The following FBXL17 variants were observed in gnomAD, a reference collection of about 807,000 sequenced individuals.
FBXL17 encodes F-box and leucine rich repeat protein 17, also known as F-box/LRR-repeat protein 17.
Under a neutral mutation model 66.2 loss-of-function variants are expected in FBXL17, and 22 were observed. That is an observed-to-expected ratio of 0.33 (90% CI 0.24 to 0.47). The LOEUF is 0.47. FBXL17 is among the 20% of genes least tolerant of loss of function. The probability of loss-of-function intolerance (pLI) is 1.00; values close to 1 mark genes in which losing one functional copy is unlikely to be tolerated. For synonymous variants in FBXL17, 474 were observed against 400.5 expected (o/e 1.18, Z -2.19); for missense variants, 878 against 948.2 (o/e 0.93, Z 0.97).
At chr5:108,225,117 C>A (rs1046087284) in intron 4 of FBXL17, among the ~76,000 whole-genome samples, 6 of 152,116 alleles carry the variant, frequency 3.9e-5, no homozygotes, top group Admixed American at 2.0e-4. Context: ...CCAAGCCTGG[C>A]AATCTACATT....
At chr5:108,246,341 A>C (rs945019252) in intron 4 of FBXL17, among the ~76,000 whole-genome samples, 1 of 152,146 alleles carries the variant, frequency 6.6e-6, no homozygotes, top group African/African-American at 2.4e-5. Context: ...TCTCAAAAGT[A>C]AATAAGTAAA....
At position 108,055,799 on chromosome 5, in the gene FBXL17, C is replaced by G. The variant is rs1272246562; in HGVS notation, c.1746-34798G>C. 2.6e-5 allele frequency among the ~76,000 whole-genome samples: 4 copies of G among 151,538 alleles called. No individual in the cohort carries two copies. The East Asian group carries it at 7.7e-4, about 29-fold the overall frequency. On this transcript the variant is annotated intron_variant, in intron 6 of 8. Transcript: ENST00000542267. ...GGAGAAATAAATCTTTAAAAAGTTC[C>G]TCCCTTGTTATAAGATTTTCAAGTG... is the stretch of plus-strand genomic sequence containing the variant.
chr5:108,357,536 T>C (rs540653324), intron 3 of FBXL17, among the ~76,000 whole-genome samples: 13 of 152,010 alleles, frequency 8.6e-5, no homozygotes, highest in Non-Finnish European at 1.5e-4. Context: ...TACACATTCT[T>C]CTCTAACGCA....
In FBXL17 at chr5:108,001,059, C is replaced by T. The variant is rs556712094; in HGVS notation, c.1822+19866G>A. ...ATTAAAATGATCTGCAAATATAAAA[C>T]TGTAAAGCAACTAATAATACTAAAA... On this transcript the variant is annotated intron_variant, in intron 7 of 8. Transcript: ENST00000542267. 1.1e-4 allele frequency among the ~76,000 whole-genome samples: 17 copies of T among 152,220 alleles called. 1 individual carries two copies. The South Asian group carries it at 3.5e-3, about 32-fold the overall frequency.
intron 4 of FBXL17, among the ~76,000 whole-genome samples, chr5:108,301,405 A>T (rs145997959): frequency 6.6e-6 from 1 of 151,740 alleles, no homozygotes; most frequent in Non-Finnish European, 1.5e-5. Flanking sequence ...TAATTTTACT[A>T]AATTTATTTT....
intron 7 of FBXL17, among the ~76,000 whole-genome samples, chr5:107,892,703 C>T (rs1481820802): frequency 6.6e-6 from 1 of 152,098 alleles, no homozygotes; most frequent in Non-Finnish European, 1.5e-5. Context: ...AAGCTATTTA[C>T]AAACTAAAAC....
chr5:108,279,885 T>A (rs994620120), intron 4 of FBXL17, among the ~76,000 whole-genome samples: 1 of 151,856 alleles, frequency 6.6e-6, no homozygotes, highest in Admixed American at 6.6e-5. Context: ...TTTTAGAACT[T>A]GAAGACAACT....
At chr5:107,918,003 T>C (rs17160726) in intron 7 of FBXL17, among the ~76,000 whole-genome samples, 4,863 of 152,316 alleles carry the variant, frequency 0.032, 249 homozygotes, top group African/African-American at 0.11. Flanking sequence ...GACAGAATCA[T>C]TGAAACGTTA....
At chr5:108,157,574 T>C (rs1279909422) in intron 6 of FBXL17, among the ~76,000 whole-genome samples, 1 of 151,668 alleles carries the variant, frequency 6.6e-6, no homozygotes, top group Non-Finnish European at 1.5e-5. Flanking sequence ...AAATGAACTT[T>C]GATTTTTCTT....
chr5:108,008,018 A>T (rs1754006338), intron 7 of FBXL17, among the ~76,000 whole-genome samples: 1 of 152,228 alleles, frequency 6.6e-6, no homozygotes. Flanking sequence ...TGGAAATAAA[A>T]GAACGTGACA....
intron 6 of FBXL17, among the ~76,000 whole-genome samples, chr5:108,070,706 T>C (rs959033313): frequency 6.6e-6 from 1 of 152,220 alleles, no homozygotes; most frequent in Non-Finnish European, 1.5e-5. Context: ...ACAGTTTGCT[T>C]TGGACAGTTT....
intron 4 of FBXL17, among the ~76,000 whole-genome samples, chr5:108,233,882 A>T (rs1755479453): frequency 6.6e-6 from 1 of 152,214 alleles, no homozygotes; most frequent in African/African-American, 2.4e-5. Context: ...GCAAAAGGGA[A>T]GAGGAGGAGA....
At chr5:108,281,761 A>T in intron 4 of FBXL17, among the ~76,000 whole-genome samples, 1 of 151,858 alleles carries the variant, frequency 6.6e-6, no homozygotes, top group Admixed American at 6.6e-5. Context: ...TTTCAAAAAG[A>T]CAAACAAAAT....
chr5:108,308,702 TC>T lies in FBXL17; in HGVS notation c.1506+39696del, dbSNP rs556820519. ...AACAGAATTAACTTTGGCCTTCACT[TC>T]CTCCATCCTTTACCTGTAGTTGATA... On this transcript the variant is annotated intron_variant, in intron 4 of 8. Coordinates refer to ENST00000542267, the MANE Select transcript of FBXL17 (RefSeq NM_001163315.3). 2.2e-3 allele frequency among the ~76,000 whole-genome samples: 328 copies of T among 152,270 alleles called. 1 individual carries two copies. Among genetic ancestry groups the T allele is most frequent in the Middle Eastern group, 6.8e-3 (2 of 294 alleles).
intron 8 of FBXL17, among the ~76,000 whole-genome samples, chr5:107,873,890 G>C (rs1235726096): frequency 6.6e-6 from 1 of 152,108 alleles, no homozygotes. Context: ...GGAACAGTAG[G>C]CTCTCTCCTT....
At chr5:107,889,040 AC>A (rs146257791) in intron 7 of FBXL17, among the ~76,000 whole-genome samples, 35,594 of 152,046 alleles carry the variant, frequency 0.23, 5,313 homozygotes, top group Admixed American at 0.41. Flanking sequence ...TCTAGTGGGT[AC>A]GTAGTAGTAC....
At chr5:107,921,555 G>A (rs1241315941) in intron 7 of FBXL17, among the ~76,000 whole-genome samples, 1 of 152,180 alleles carries the variant, frequency 6.6e-6, no homozygotes, top group East Asian at 1.9e-4. Flanking sequence ...AAAAAGGAAT[G>A]TAGAAAATGG....
intron 7 of FBXL17, among the ~76,000 whole-genome samples, chr5:107,895,469 C>T (rs1749346811): frequency 6.6e-6 from 1 of 152,030 alleles, no homozygotes; most frequent in South Asian, 2.1e-4. Flanking sequence ...AGGTCAATAC[C>T]TTTATCAGGA....
At chr5:107,936,170 T>C (rs929122621) in intron 7 of FBXL17, among the ~76,000 whole-genome samples, 41 of 152,276 alleles carry the variant, frequency 2.7e-4, no homozygotes, top group South Asian at 4.1e-4. Flanking sequence ...TCTTTTAGTT[T>C]GCATTCAATT....
Sources: gnomAD v4.1 joint callset for allele counts (sites outside exome capture counted in the v4.1 genomes callset) on GRCh38, gnomAD v4.1.1 for gene constraint, MANE v1.5 for transcripts, NCBI Gene and HGNC (gene_info 2026-07-23, HGNC 2026-07-21) for gene names.